BBS9: variants seen among roughly 807,000 people sequenced by gnomAD.
The protein encoded by BBS9 is Bardet-Biedl syndrome 9, also known as protein PTHB1.
In BBS9, 89 loss-of-function variants were observed where a neutral mutation model predicts 117.7. That is an observed-to-expected ratio of 0.76 (90% CI 0.64 to 0.90). BBS9 has a LOEUF of 0.90. Ranked by LOEUF, BBS9 falls within the 40% of genes least tolerant of loss-of-function variation. The pLI is 0.00. For missense variants in BBS9, 982 were observed against 1,042.2 expected (o/e 0.94, Z 0.80); for synonymous variants, 379 against 370.9 (o/e 1.02, Z -0.25).
At chr7:33,279,477 C>T (rs745410045) in intron 9 of BBS9, among the ~76,000 whole-genome samples, 7 of 152,206 alleles carry the variant, frequency 4.6e-5, no homozygotes, top group Non-Finnish European at 7.3e-5. Context: ...ATAGAAGCTT[C>T]CTTGGCTGAA....
chr7:33,242,781 T>TA (rs1794751264), intron 5 of BBS9, among the ~76,000 whole-genome samples: 1 of 152,188 alleles, frequency 6.6e-6, no homozygotes, highest in Non-Finnish European at 1.5e-5. Context: ...TATAAGCATA[T>TA]AAAATGCTAT....
chr7:33,374,901 CAAAAAAAAA>C (rs954530141), intron 17 of BBS9, among the ~76,000 whole-genome samples: 1 of 64,530 alleles, frequency 1.5e-5, no homozygotes. Flanking sequence ...AACTCCGTCT[CAAAAAAAAA>C]AAAAAAAAAA....
intron 9 of BBS9, among the ~76,000 whole-genome samples, chr7:33,305,630 T>C (rs1807738414): frequency 6.6e-6 from 1 of 152,162 alleles, no homozygotes; most frequent in Non-Finnish European, 1.5e-5. Flanking sequence ...CATGGTTCAA[T>C]CTTGATAGGT....
At chr7:33,369,534 G>T (rs1822459504) in intron 17 of BBS9, among the ~76,000 whole-genome samples, 1 of 152,084 alleles carries the variant, frequency 6.6e-6, no homozygotes, top group Non-Finnish European at 1.5e-5. Flanking sequence ...ATCAAATAAT[G>T]GAATAGGACA....
intron 19 of BBS9, among the ~76,000 whole-genome samples, chr7:33,391,925 G>A (rs990478866): frequency 3.3e-5 from 5 of 151,886 alleles, no homozygotes; most frequent in Admixed American, 6.5e-5. Flanking sequence ...CATCTTTTTC[G>A]TTTAGGTTTC....
At chr7:33,544,886 G>A (rs1358843826) in intron 21 of BBS9, among the ~76,000 whole-genome samples, 1 of 152,072 alleles carries the variant, frequency 6.6e-6, no homozygotes, top group Non-Finnish European at 1.5e-5. Flanking sequence ...TGTCTGGGAT[G>A]GGGGCAAGAT....
chr7:33,152,006 T>C (rs950447774), intron 2 of BBS9, among the ~76,000 whole-genome samples: 1 of 152,070 alleles, frequency 6.6e-6, no homozygotes, highest in Non-Finnish European at 1.5e-5. Flanking sequence ...TACAGGGGCA[T>C]GCCACTGCAC....
chr7:33,533,540 C>T (rs1347929414), intron 20 of BBS9: 1 of 206,148 alleles, frequency 4.9e-6, no homozygotes, highest in African/African-American at 2.3e-5. Context: ...GCCCGCTTTC[C>T]TTTAGCCGAA....
intron 19 of BBS9, among the ~76,000 whole-genome samples, chr7:33,468,591 A>G (rs1167075191): frequency 1.3e-5 from 2 of 152,178 alleles, no homozygotes; most frequent in Non-Finnish European, 2.9e-5. Context: ...CTACTGTGCT[A>G]TCAAGCACTA....
chr7:33,458,314 A>G (rs1838949197), intron 19 of BBS9, among the ~76,000 whole-genome samples: 1 of 152,150 alleles, frequency 6.6e-6, no homozygotes, highest in African/African-American at 2.4e-5. Flanking sequence ...TTCTTTTAGT[A>G]TTTTTGAGAA....
At chr7:33,626,100 T>C (rs926492538) in intron 21 of BBS9, among the ~76,000 whole-genome samples, 1 of 152,088 alleles carries the variant, frequency 6.6e-6, no homozygotes, top group Non-Finnish European at 1.5e-5. Flanking sequence ...GGGGTGGACT[T>C]CCCCCTTGCT....
intron 12 of BBS9, among the ~76,000 whole-genome samples, chr7:33,347,963 C>A (rs149215114): frequency 2.0e-5 from 3 of 151,818 alleles, no homozygotes; most frequent in Non-Finnish European, 2.9e-5. Context: ...ATACGAGTCA[C>A]CATGATAGAA....
intron 19 of BBS9, among the ~76,000 whole-genome samples, chr7:33,439,918 G>C (rs1214655450): frequency 6.6e-6 from 1 of 152,222 alleles, no homozygotes; most frequent in African/African-American, 2.4e-5. Flanking sequence ...ACAAGGACTT[G>C]ACTGTGAGGT....
chr7:33,218,295 A>C (rs997165944), intron 5 of BBS9, among the ~76,000 whole-genome samples: 1 of 152,198 alleles, frequency 6.6e-6, no homozygotes, highest in Non-Finnish European at 1.5e-5. Context: ...ATTCAGGGAA[A>C]ACTTTCTGAG....
At chr7:33,279,378 CATATTT>C (rs1480910003) in intron 9 of BBS9, among the ~76,000 whole-genome samples, 1 of 152,168 alleles carries the variant, frequency 6.6e-6, no homozygotes, top group African/African-American at 2.4e-5. Context: ...GCTCAGCCCA[CATATTT>C]ATATTAGGAA....
At chr7:33,348,002 A>T (rs1817919563) in intron 12 of BBS9, among the ~76,000 whole-genome samples, 2 of 152,060 alleles carry the variant, frequency 1.3e-5, no homozygotes, top group Non-Finnish European at 2.9e-5. Flanking sequence ...CTTAGATATA[A>T]TTTAGATACT....
At position 33,388,050 on chromosome 7, in the gene BBS9, G is replaced by T. The variant is rs555671554; in HGVS notation, c.2021G>T (p.Arg674Leu). Residue 674 changes from arginine (R) to leucine (L), a missense_variant, in exon 19 of 23, where the codon CGG (arginine) becomes CTG (leucine). Arg to Leu is a moderately radical substitution (Grantham distance 102, BLOSUM62 -2). Transcript: ENST00000242067. ...TTATCTGAGAGAGCTGTACAATTTC[G>T]GGCCATTCAACGCCGGCTACTAGCA... ...ELLSERAVQF[R>L]AIQRRLLARF... is the part of the protein sequence containing the mutation. 1 of 1,614,036 alleles carries T rather than the reference G, an allele frequency of 6.2e-7. No individual in the cohort carries two copies. The highest frequency in any genetic ancestry group is 8.5e-7 in the Non-Finnish European group (1 of 1,179,984).
intron 5 of BBS9, among the ~76,000 whole-genome samples, chr7:33,219,634 C>T (rs982408986): frequency 6.6e-6 from 1 of 152,124 alleles, no homozygotes. Flanking sequence ...TTTGTGTGGA[C>T]ACTCCGTATC....
intron 7 of BBS9, among the ~76,000 whole-genome samples, chr7:33,271,616 C>T (rs1468475561): frequency 2.6e-5 from 4 of 152,158 alleles, no homozygotes; most frequent in African/African-American, 9.7e-5. Flanking sequence ...CAAATAAGGG[C>T]ATTACATAAT....
Sources: gnomAD v4.1 joint callset for allele counts (sites outside exome capture counted in the v4.1 genomes callset) on GRCh38, gnomAD v4.1.1 for gene constraint, MANE v1.5 for transcripts, NCBI Gene and HGNC (gene_info 2026-07-23, HGNC 2026-07-21) for gene names.